The following ZNF503 variants were observed in gnomAD, a reference collection of about 807,000 sequenced individuals.
ZNF503 encodes the protein zinc finger protein 503, also known as NocA-like zinc finger 2.
ZNF503 carries 15 observed loss-of-function variants against 34.4 expected under a neutral mutation model. That is an observed-to-expected ratio of 0.44 (90% CI 0.29 to 0.67). The LOEUF is 0.67. Ranked by LOEUF, ZNF503 falls within the 30% of genes least tolerant of loss-of-function variation. The pLI is 0.13. For synonymous variants in ZNF503, 580 were observed against 456.8 expected (o/e 1.27, Z -3.44); for missense variants, 1,007 against 926.8 (o/e 1.09, Z -1.12).
chr10:75,327,752 C>A, the ZNF503 span, among the ~76,000 whole-genome samples: 1 of 152,052 alleles, frequency 6.6e-6, no homozygotes, highest in African/African-American at 2.4e-5. Context: ...GCATCTTCAC[C>A]AGCATTTTTA....
At chr10:75,352,036 A>C in the ZNF503 span, among the ~76,000 whole-genome samples, 1 of 143,520 alleles carries the variant, frequency 7.0e-6, no homozygotes, top group East Asian at 2.0e-4. Flanking sequence ...CTCTCTCGCC[A>C]TTGCTCTGTG....
At chr10:75,330,742 T>C in the ZNF503 span, among the ~76,000 whole-genome samples, 1 of 152,136 alleles carries the variant, frequency 6.6e-6, no homozygotes, top group South Asian at 2.1e-4. Context: ...TCCTTTTTTT[T>C]CTTGGTTTGT....
At chr10:75,367,475 G>A in the ZNF503 span, among the ~76,000 whole-genome samples, 20,503 of 152,180 alleles carry the variant, frequency 0.13, 1,798 homozygotes, top group Non-Finnish European at 0.19. Context: ...TCTGCCGGAC[G>A]GGGCCATACA....
chr10:75,353,885 T>C, the ZNF503 span, among the ~76,000 whole-genome samples: 1 of 151,900 alleles, frequency 6.6e-6, no homozygotes, highest in African/African-American at 2.4e-5. Context: ...GATGCGAGAG[T>C]GGAACACGCA....
chr10:75,289,844 G>A, the ZNF503 span, among the ~76,000 whole-genome samples: 1 of 152,130 alleles, frequency 6.6e-6, no homozygotes, highest in Non-Finnish European at 1.5e-5. Flanking sequence ...GGGAATACAG[G>A]TGTGAGCCAC....
At chr10:75,301,430 G>A in the ZNF503 span, among the ~76,000 whole-genome samples, 1 of 151,974 alleles carries the variant, frequency 6.6e-6, no homozygotes, top group Non-Finnish European at 1.5e-5. Flanking sequence ...TAGTAGAGAT[G>A]GGGTTTCACC....
chr10:75,289,178 T>C, the ZNF503 span, among the ~76,000 whole-genome samples: 3 of 152,284 alleles, frequency 2.0e-5, no homozygotes, highest in Admixed American at 6.5e-5. Flanking sequence ...AGACTGTTTA[T>C]GTTAGGGGCA....
chr10:75,328,749 T>TTC, the ZNF503 span, among the ~76,000 whole-genome samples: 1 of 148,320 alleles, frequency 6.7e-6, no homozygotes, highest in Non-Finnish European at 1.5e-5. Context: ...GTCTTTTCTT[T>TTC]TTTTTTTTTT....
rs1398269142 is a variant in ZNF503, at chr10:75,398,669, C to G, written c.*80G>C. The G allele has an allele frequency of 7.9e-7, 1 of 1,264,292 alleles. No homozygotes were observed. The allele number at this position is 1,264,292 out of a possible 1,614,324, so 78.3% of individuals were successfully genotyped here. On this transcript the variant is annotated 3_prime_UTR_variant, in exon 2 of 2. Transcript: ENST00000372524. ...CTCCCCACGCGCGGGTGTCAGCAGC[C>G]TGGGCCGTGATCCCGCCTCTCCCTG... is the stretch of plus-strand genomic sequence containing the variant.
Position 75,399,491 on chromosome 10 carries a change from CCGGCCG to C in ZNF503, c.1193_1198del (p.Ala398_Ala399del). ...GGCCGGCTTACTGCAGCCCAGAGAC[CCGGCCG>C]CGGCCGCCGCCAGCTGCGCCCCCAC... On this transcript the variant is annotated inframe_deletion, in exon 2 of 2. Transcript: ENST00000372524. 1 of 1,566,484 alleles carries C rather than the reference CCGGCCG, an allele frequency of 6.4e-7. No homozygotes were observed. The highest frequency in any genetic ancestry group is 1.1e-5 in the South Asian group (1 of 87,962).
chr10:75,372,531 C>T, the ZNF503 span, among the ~76,000 whole-genome samples: 12 of 152,214 alleles, frequency 7.9e-5, no homozygotes, highest in South Asian at 2.1e-4. Context: ...ACTCAATGAA[C>T]GACTGTACCC....
At chr10:75,327,470 T>C in the ZNF503 span, among the ~76,000 whole-genome samples, 4 of 152,352 alleles carry the variant, frequency 2.6e-5, no homozygotes, top group East Asian at 5.8e-4. Flanking sequence ...ATTATGTAGA[T>C]GTAACATATT....
chr10:75,317,439 G>T, the ZNF503 span, among the ~76,000 whole-genome samples: 28 of 149,156 alleles, frequency 1.9e-4, no homozygotes, highest in African/African-American at 6.8e-4. Flanking sequence ...CACCACACCT[G>T]GCTAATTTTT....
At chr10:75,331,172 A>G in the ZNF503 span, among the ~76,000 whole-genome samples, 2 of 152,232 alleles carry the variant, frequency 1.3e-5, no homozygotes, top group East Asian at 1.9e-4. Flanking sequence ...GACACTTGAT[A>G]TGATTTCAAT....
chr10:75,333,339 A>G, the ZNF503 span, among the ~76,000 whole-genome samples: 1 of 40,400 alleles, frequency 2.5e-5, no homozygotes. Flanking sequence ...GGGGCTCCTC[A>G]CTTCCCAGTA....
chr10:75,371,788 C>T, the ZNF503 span, among the ~76,000 whole-genome samples: 1 of 152,098 alleles, frequency 6.6e-6, no homozygotes, highest in Non-Finnish European at 1.5e-5. Context: ...AGGTAATTTC[C>T]CTTAGGCTGC....
At chr10:75,369,536 A>C in the ZNF503 span, among the ~76,000 whole-genome samples, 1 of 152,164 alleles carries the variant, frequency 6.6e-6, no homozygotes, top group African/African-American at 2.4e-5. Context: ...CATGATTGTA[A>C]GTTTCTTGAG....
rs1843807335 is a variant in ZNF503, at chr10:75,401,278, A to C, written c.142T>G (p.Ser48Ala). 19 of 1,585,486 alleles carry C rather than the reference A, an allele frequency of 1.2e-5. No homozygotes were observed. Among genetic ancestry groups the C allele is most frequent in the Non-Finnish European group, 1.5e-5 (18 of 1,167,696 alleles). Reference sequence around the variant, plus strand: ...AAAGGCTTGGTGCTGCCGGCCGGGGACGAGCCTGGGCCGGGGCCGGAGCTA... The same window carrying C: ...AAAGGCTTGGTGCTGCCGGCCGGGGCCGAGCCTGGGCCGGGGCCGGAGCTA... Reference protein sequence around the residue: ...GNSSGPGPGSSPAGSTKPFVH... With the variant: ...GNSSGPGPGSAPAGSTKPFVH... The change falls in exon 1 of 2, where the codon TCC (serine) becomes GCC (alanine). Residue 48 changes from serine to alanine, a missense_variant. Physicochemically the swap from Ser to Ala is moderately conservative, Grantham distance 99 (BLOSUM62 1). Transcript: ENST00000372524.
chr10:75,292,551 A>G, the ZNF503 span, among the ~76,000 whole-genome samples: 1 of 152,238 alleles, frequency 6.6e-6, no homozygotes, highest in Non-Finnish European at 1.5e-5. Context: ...AGGATTGAAG[A>G]GCATATCTCT....
Sources: gnomAD v4.1 joint callset for allele counts (sites outside exome capture counted in the v4.1 genomes callset) on GRCh38, gnomAD v4.1.1 for gene constraint, MANE v1.5 for transcripts, NCBI Gene and HGNC (gene_info 2026-07-23, HGNC 2026-07-21) for gene names.